The following PITPNM3 variants were observed in gnomAD, a reference collection of about 807,000 sequenced individuals.
PITPNM3 encodes PITPNM family member 3.
A neutral mutation model predicts 102.0 loss-of-function variants in PITPNM3; 26 were observed. The ratio of observed to expected loss-of-function variants is 0.25; its 90% CI spans 0.19 to 0.35. PITPNM3 has a LOEUF of 0.35. Among genes scored for constraint, PITPNM3 ranks in the 10% least tolerant of loss-of-function variants. PITPNM3 has a pLI of 1.00. For synonymous variants in PITPNM3, 578 were observed against 558.6 expected (o/e 1.03, Z -0.49); for missense variants, 1,083 against 1,346.1 (o/e 0.80, Z 3.06).
chr17:6,478,833 G>T lies in PITPNM3; in HGVS notation c.588-97C>A. The T allele has an allele frequency of 7.8e-7, 1 of 1,279,064 alleles. No individual in the cohort carries two copies. The highest frequency in any genetic ancestry group is 1.1e-6 in the Non-Finnish European group (1 of 939,038). 79.2% of individuals were successfully genotyped at this position (1,279,064 alleles called of 1,614,324 possible). A position where few individuals can be genotyped will look rare whatever the true frequency, so the allele number is the denominator to read the frequency against. ...GCAGAAGAGAGCACATACTGGCCAGGAATTGGGCTCCAGGGACCCTTCAGG... is the reference window on the plus strand; with the variant it reads ...GCAGAAGAGAGCACATACTGGCCAGTAATTGGGCTCCAGGGACCCTTCAGG... On this transcript the variant is annotated intron_variant, in intron 6 of 19. Transcript: ENST00000262483. This position sits in a 1 kb window ranked among gnomAD's most constrained non-coding sequence, Gnocchi z 4.4.
chr17:6,544,700 G>A (rs1004103629), intron 1 of PITPNM3, among the ~76,000 whole-genome samples: 3 of 132,642 alleles, frequency 2.3e-5, no homozygotes, highest in South Asian at 4.7e-4. Flanking sequence ...ACACATACAC[G>A]AGAACAGCAG....
Position 6,471,545 on chromosome 17 carries a change from G to T in PITPNM3, c.1430-190C>A, listed in dbSNP as rs559946213. ...CCCACCAGTCCCCTGGGCCTGAAGGGACCCCGCTGCCACCGCATATTGCCG... is the reference window on the plus strand; with the variant it reads ...CCCACCAGTCCCCTGGGCCTGAAGGTACCCCGCTGCCACCGCATATTGCCG... On this transcript the variant is annotated intron_variant, in intron 11 of 19. Coordinates refer to ENST00000262483, the MANE Select transcript of PITPNM3 (RefSeq NM_031220.4). 4.5e-4 allele frequency among the ~76,000 whole-genome samples: 68 copies of T among 152,322 alleles called. 1 individual carries two copies. The South Asian group carries it at 0.014, about 31-fold the overall frequency.
At chr17:6,489,313 C>T (rs1402349965) in intron 4 of PITPNM3, among the ~76,000 whole-genome samples, 1 of 152,092 alleles carries the variant, frequency 6.6e-6, no homozygotes, top group Non-Finnish European at 1.5e-5. Flanking sequence ...CTCCTCCATC[C>T]TTGGCAGTCA....
At position 6,470,127 on chromosome 17, in the gene PITPNM3, G is replaced by A. The variant is rs1032732315; in HGVS notation, c.1773+133C>T. On this transcript the variant is annotated intron_variant, in intron 13 of 19. Coordinates refer to ENST00000262483, the MANE Select transcript of PITPNM3 (RefSeq NM_031220.4). The surrounding 1 kb of genome is among the most constrained non-coding windows in gnomAD (Gnocchi z 4.8). Reference sequence around the variant, plus strand: ...TCCCCACTCACGTAGGTGCTCCAATGCCTTCCTCATGCTCTTAGGATCAAG... The same window carrying A: ...TCCCCACTCACGTAGGTGCTCCAATACCTTCCTCATGCTCTTAGGATCAAG... The A allele has an allele frequency of 1.3e-5, 14 of 1,061,458 alleles. No homozygotes were observed. Among genetic ancestry groups the A allele is most frequent in the Admixed American group, 4.0e-5 (2 of 49,938 alleles). The allele number at this position is 1,061,458 out of a possible 1,614,324, so 65.8% of individuals were successfully genotyped here.
chr17:6,483,931 A>G (rs576682339), intron 5 of PITPNM3, among the ~76,000 whole-genome samples, 179 bp from the exon 6 acceptor site: 21 of 152,316 alleles, frequency 1.4e-4, no homozygotes, highest in African/African-American at 5.1e-4. Flanking sequence ...TCTGAGGAGC[A>G]GTCTCAGCTC....
At chr17:6,481,084 A>G (rs920650081) in intron 6 of PITPNM3, 3 of 152,238 alleles carry the variant, frequency 2.0e-5, no homozygotes, top group Non-Finnish European at 2.9e-5. Context: ...CTCTCTCCCC[A>G]GCCCACTCTC....
rs2150737597 is a variant in PITPNM3, at chr17:6,483,699, A to G, written c.405T>C (p.His135=). Residue 135 remains histidine, a synonymous_variant, in exon 6 of 20, where the codon CAT becomes CAC. Coordinates refer to ENST00000262483, the MANE Select transcript of PITPNM3 (RefSeq NM_031220.4). ...CKTHVLLLVL[H]GGNILDTGAG... is the part of the protein sequence containing the mutation. ...CACCCGTGTCCAGGATGTTTCCCCC[A>G]TGCAGGACCAGCAGGAGGACATGTG... The G allele has an allele frequency of 6.2e-7, 1 of 1,613,946 alleles. No homozygotes were observed. The highest frequency in any genetic ancestry group is 8.5e-7 in the Non-Finnish European group (1 of 1,179,974).
At chr17:6,483,858 C>A in intron 5 of PITPNM3, 106 bp from the exon 6 acceptor site, 1 of 987,462 alleles carries the variant, frequency 1.0e-6, no homozygotes, top group South Asian at 1.3e-5. Context: ...CTCACACACA[C>A]GCACACACGG....
chr17:6,464,066 G>A, intron 16 of PITPNM3, 104 bp downstream of exon 16: 1 of 1,573,718 alleles, frequency 6.4e-7, no homozygotes, highest in Non-Finnish European at 8.7e-7. Flanking sequence ...AGACAGAGAT[G>A]GGGGCCCACA....
At chr17:6,545,603 C>T (rs1909978824) in intron 1 of PITPNM3, among the ~76,000 whole-genome samples, 1 of 152,250 alleles carries the variant, frequency 6.6e-6, no homozygotes, top group African/African-American at 2.4e-5. Context: ...AGAGCCTTCA[C>T]ACCACGCTCC....
Position 6,455,357 on chromosome 17 carries a change from T to A in PITPNM3, c.2906A>T (p.Lys969Met). 6.3e-7 allele frequency: 1 copy of A among 1,582,762 alleles called. No individual in the cohort carries two copies. Among genetic ancestry groups the A allele is most frequent in the Non-Finnish European group, 8.6e-7 (1 of 1,166,342 alleles). Residue 969 changes from lysine to methionine, a missense_variant, in exon 20 of 20, where the codon AAG becomes ATG. Transcript: ENST00000262483. ...PALSWARGPP[K>M]FESVP ...CACCCCTCAGGGCACCGACTCGAACTTGGGGGGCCCACGCGCCCAGCTGAG... is the reference window on the plus strand; with the variant it reads ...CACCCCTCAGGGCACCGACTCGAACATGGGGGGCCCACGCGCCCAGCTGAG...
intron 3 of PITPNM3, among the ~76,000 whole-genome samples, chr17:6,505,195 A>AAAATATATATATATAT (rs1907420096): frequency 7.3e-6 from 1 of 136,290 alleles, no homozygotes; most frequent in African/African-American, 3.0e-5. Context: ...AGACAAATAA[A>AAAATATATATATATAT]ATATATATAT....
chr17:6,506,073 G>A (rs1457682166), intron 3 of PITPNM3, among the ~76,000 whole-genome samples: 1 of 151,852 alleles, frequency 6.6e-6, no homozygotes, highest in East Asian at 1.9e-4. Flanking sequence ...AGGAAGGAAG[G>A]CAGGAAGCCC....
At chr17:6,512,777 C>G (rs1907942127) in intron 3 of PITPNM3, among the ~76,000 whole-genome samples, 1 of 152,156 alleles carries the variant, frequency 6.6e-6, no homozygotes, top group Non-Finnish European at 1.5e-5. Flanking sequence ...CTGCTTCCTT[C>G]CTGTCAACAA....
chr17:6,471,342 G>C lies in PITPNM3; in HGVS notation c.1443C>G (p.His481Gln), dbSNP rs759060250. The C allele has an allele frequency of 6.3e-7, 1 of 1,598,800 alleles. No homozygotes were observed. Among genetic ancestry groups the C allele is most frequent in the African/African-American group, 1.3e-5 (1 of 74,902 alleles). Residue 481 changes from histidine (H) to glutamine (Q), a missense_variant, in exon 12 of 20, where the codon CAC becomes CAG. This residue lies in a region of PITPNM3 where 410 missense variants were observed against 638.4 expected (regional missense o/e 0.64). Coordinates refer to ENST00000262483, the MANE Select transcript of PITPNM3 (RefSeq NM_031220.4). ...GQSLLLADAL[H>Q]THSPLFLEGS... ...CCTCCAGGAAGAGGGGGCTGTGGGT[G>C]TGTAGGGCATCAGCTGGAGGGGGAA...
At chr17:6,535,515 G>A (rs1909364086) in intron 2 of PITPNM3, among the ~76,000 whole-genome samples, 1 of 152,156 alleles carries the variant, frequency 6.6e-6, no homozygotes, top group Admixed American at 6.5e-5. Context: ...CTCTGGAAGA[G>A]GGCAGATGGG....
At chr17:6,464,600 T>C in intron 15 of PITPNM3, 55 bp downstream of exon 15, 1 of 1,516,288 alleles carries the variant, frequency 6.6e-7, no homozygotes, top group South Asian at 1.1e-5. Context: ...TGTGGCTCCA[T>C]GAGGCACCTG....
intron 3 of PITPNM3, among the ~76,000 whole-genome samples, chr17:6,523,924 G>A (rs571838276): frequency 3.9e-5 from 6 of 152,210 alleles, no homozygotes; most frequent in Non-Finnish European, 8.8e-5. Context: ...CAGTCCGGGA[G>A]GTGAAGCCCT....
At position 6,543,538 on chromosome 17, in the gene PITPNM3, T is replaced by C. The variant is rs113954663; in HGVS notation, c.23-5456A>G. On this transcript the variant is annotated intron_variant, in intron 1 of 19. Coordinates refer to ENST00000262483, the MANE Select transcript of PITPNM3 (RefSeq NM_031220.4). ...AGTGAGGAACGCCCTGACCGTAAGA[T>C]GCAGAACAAAGGTATTGGCCGATGC... is the stretch of plus-strand genomic sequence containing the variant. 8.4e-3 allele frequency among the ~76,000 whole-genome samples: 1,281 copies of C among 152,338 alleles called. 13 individuals carry two copies. Among genetic ancestry groups the C allele is most frequent in the African/African-American group, 0.028 (1,173 of 41,568 alleles).
Sources: allele counts gnomAD v4.1 joint callset (sites outside exome capture counted in the v4.1 genomes callset), GRCh38; gene constraint gnomAD v4.1.1; regional missense constraint gnomAD v4.1.1; non-coding constraint Gnocchi (gnomAD v3.1); transcripts MANE v1.5; gene names NCBI Gene and HGNC (gene_info 2026-07-23, HGNC 2026-07-21).